Variants in RBFOX3 observed in about 807,000 individuals in gnomAD.
RBFOX3 encodes the protein RNA binding protein fox-1 homolog 3.
A neutral mutation model predicts 48.7 loss-of-function variants in RBFOX3; 17 were observed. The observed-to-expected ratio is 0.35, with a 90% CI of 0.24 to 0.52. RBFOX3 has a LOEUF of 0.52. Ranked by LOEUF, RBFOX3 falls within the 20% of genes least tolerant of loss-of-function variation. The pLI is 0.94. For synonymous variants in RBFOX3, 212 were observed against 209.5 expected (o/e 1.01, Z -0.10); for missense variants, 382 against 497.5 (o/e 0.77, Z 2.21).
Position 79,096,831 on chromosome 17 carries a change from G to T in RBFOX3, c.758C>A (p.Ala253Glu). The T allele has an allele frequency of 2.6e-6, 2 of 755,284 alleles. No individual in the cohort carries two copies. The highest frequency in any genetic ancestry group is 4.6e-6 in the Non-Finnish European group (2 of 434,042). The allele number at this position is 755,284 out of a possible 1,614,324, so 46.8% of individuals were successfully genotyped here. ...CATTTTAACAAGCGTTTGCTCCAGT[G>T]CCCTGTTTTGGTATAACAATAGAGT... ...PPPPIPTYGA[A>E]LEQTLVKMPV... The change falls in exon 12 of 15, where the codon GCA becomes GAA. Residue 253 changes from alanine to glutamate, a missense_variant and splice_region_variant. This residue lies in a region of RBFOX3 where 215 missense variants were observed against 254.8 expected (regional missense o/e 0.84). Transcript: ENST00000693108.
At chr17:79,587,463 T>G (rs1188460823) in intron 1 of RBFOX3, among the ~76,000 whole-genome samples, 1 of 152,234 alleles carries the variant, frequency 6.6e-6, no homozygotes, top group Non-Finnish European at 1.5e-5. Flanking sequence ...CCCTGCTGTT[T>G]TCATCCTAAC....
intron 4 of RBFOX3, among the ~76,000 whole-genome samples, chr17:79,181,996 C>CACACACACAA (rs1183749109): frequency 6.9e-6 from 1 of 145,976 alleles, no homozygotes; most frequent in Non-Finnish European, 1.5e-5. Context: ...CACACACACA[C>CACACACACAA]ACACAAACAC....
chr17:79,569,961 T>C (rs2092606820), intron 1 of RBFOX3, among the ~76,000 whole-genome samples: 1 of 148,768 alleles, frequency 6.7e-6, no homozygotes, highest in Non-Finnish European at 1.5e-5. Context: ...GGTAGATTGA[T>C]AGGTGGATTA....
At chr17:79,430,991 C>T (rs1262960350) in intron 2 of RBFOX3, among the ~76,000 whole-genome samples, 3 of 152,100 alleles carry the variant, frequency 2.0e-5, no homozygotes, top group East Asian at 3.8e-4. Flanking sequence ...TGATAGGTGC[C>T]GAAGATTGGA....
At chr17:79,244,696 G>GCCTTCCCTTCTC (rs58796548) in intron 3 of RBFOX3, among the ~76,000 whole-genome samples, 81,019 of 148,158 alleles carry the variant, frequency 0.55, 23,005 homozygotes, top group East Asian at 0.64. Flanking sequence ...CCCTCCTAGA[G>GCCTTCCCTTCTC]CCTTCCCTTC....
At chr17:79,540,151 A>C (rs1164495902) in intron 1 of RBFOX3, among the ~76,000 whole-genome samples, 1 of 151,998 alleles carries the variant, frequency 6.6e-6, no homozygotes, top group Non-Finnish European at 1.5e-5. Flanking sequence ...ATGCACACAC[A>C]CTCACAGGTG....
chr17:79,238,891 G>A (rs979354715), intron 3 of RBFOX3, among the ~76,000 whole-genome samples: 5 of 152,078 alleles, frequency 3.3e-5, no homozygotes, highest in Admixed American at 6.5e-5. Flanking sequence ...TCAAAGAGCC[G>A]GTCGAGCCTG....
At chr17:79,139,241 C>T (rs917407773) in intron 4 of RBFOX3, among the ~76,000 whole-genome samples, 1 of 151,822 alleles carries the variant, frequency 6.6e-6, no homozygotes, top group Non-Finnish European at 1.5e-5. Flanking sequence ...ACAGGGCCCC[C>T]CCCACCCCGA....
chr17:79,212,544 G>T lies in RBFOX3; in HGVS notation c.-34+23222C>A, dbSNP rs2058517656. On this transcript the variant is annotated intron_variant, in intron 4 of 14. Transcript: ENST00000693108. This position sits in a 1 kb window ranked among gnomAD's most constrained non-coding sequence, Gnocchi z 4.7. The stretch of plus-strand genomic sequence containing the variant: ...CTCCTTATTCTGCACTTCCTTCCTT[G>T]TTCTTCATAAAGAGTAGATTTCAGA... Among the ~76,000 whole-genome samples, 1 of 152,152 alleles carries T rather than the reference G, an allele frequency of 6.6e-6. No homozygotes were observed. Among genetic ancestry groups the T allele is most frequent in the South Asian group, 2.1e-4 (1 of 4,834 alleles).
chr17:79,200,791 C>T (rs1339138062), intron 4 of RBFOX3, among the ~76,000 whole-genome samples: 1 of 152,170 alleles, frequency 6.6e-6, no homozygotes, highest in African/African-American at 2.4e-5. Context: ...GGGGATGCAC[C>T]TGGACCCCTG....
chr17:79,092,743 C>CA (rs1844499392), intron 14 of RBFOX3: 1 of 607,820 alleles, frequency 1.6e-6, no homozygotes, highest in Admixed American at 6.3e-5. Context: ...GAGAAATAGC[C>CA]AAGTCTCGAT....
chr17:79,244,871 CCCTTT>C (rs1217715886), intron 3 of RBFOX3, among the ~76,000 whole-genome samples: 10 of 148,312 alleles, frequency 6.7e-5, no homozygotes, highest in Non-Finnish European at 1.0e-4. Context: ...CCTTTCCCTT[CCCTTT>C]CCTTCCCTCC....
chr17:79,095,646 G>C, intron 12 of RBFOX3, 72 bp from the exon 13 acceptor site: 3 of 1,357,290 alleles, frequency 2.2e-6, no homozygotes, highest in Middle Eastern at 1.8e-4. Context: ...TGAGTGGGGA[G>C]AGGAGACAGA....
At chr17:79,393,771 T>C (rs565226095) in intron 2 of RBFOX3, among the ~76,000 whole-genome samples, 8 of 150,144 alleles carry the variant, frequency 5.3e-5, no homozygotes, top group African/African-American at 1.7e-4. Flanking sequence ...CTGGTCATCA[T>C]GCACATCAGA....
intron 1 of RBFOX3, among the ~76,000 whole-genome samples, chr17:79,487,419 C>G (rs1483775971): frequency 1.3e-5 from 2 of 152,164 alleles, no homozygotes; most frequent in African/African-American, 4.8e-5. Context: ...AGGCCAGAAG[C>G]AAGGGACACG....
At chr17:79,577,804 AG>A (rs1458886922) in intron 1 of RBFOX3, among the ~76,000 whole-genome samples, 497 of 152,272 alleles carry the variant, frequency 3.3e-3, no homozygotes, top group Middle Eastern at 6.8e-3. Context: ...AGGCCAGTGT[AG>A]GAGAACTGGG....
In RBFOX3 at chr17:79,111,690, C is replaced by T. The variant is rs1359048097; in HGVS notation, c.222+3804G>A. Reference sequence around the variant, plus strand: ...CTTCGTGATCCACCTGCCTCGGCCTCCCGAAGTGCTGGGGTGACAGGCGTG... The same window carrying T: ...CTTCGTGATCCACCTGCCTCGGCCTTCCGAAGTGCTGGGGTGACAGGCGTG... On this transcript the variant is annotated intron_variant, in intron 5 of 14. Transcript: ENST00000693108. This position sits in a 1 kb window ranked among gnomAD's most constrained non-coding sequence, Gnocchi z 4.2. 1.3e-5 allele frequency among the ~76,000 whole-genome samples: 2 copies of T among 152,260 alleles called. No individual in the cohort carries two copies. The highest frequency in any genetic ancestry group is 2.1e-4 in the South Asian group (1 of 4,834).
At chr17:79,298,235 T>A (rs1267330213) in intron 3 of RBFOX3, 1 of 152,190 alleles carries the variant, frequency 6.6e-6, no homozygotes, top group East Asian at 1.9e-4. Context: ...AAACACCAAA[T>A]AAGTGCCGGG....
chr17:79,171,078 C>T (rs750905861), intron 4 of RBFOX3, among the ~76,000 whole-genome samples: 6 of 152,238 alleles, frequency 3.9e-5, no homozygotes, highest in Non-Finnish European at 8.8e-5. Flanking sequence ...TCAGCAGCCA[C>T]TGGCCCCATG....
Sources: allele counts gnomAD v4.1 joint callset (sites outside exome capture counted in the v4.1 genomes callset), GRCh38; gene constraint gnomAD v4.1.1; regional missense constraint gnomAD v4.1.1; non-coding constraint Gnocchi (gnomAD v3.1); transcripts MANE v1.5; gene names NCBI Gene and HGNC (gene_info 2026-07-23, HGNC 2026-07-21).